SPAG16: variants seen among roughly 807,000 people sequenced by gnomAD.
The protein encoded by SPAG16 is sperm-associated antigen 16 protein.
In SPAG16, 86 loss-of-function variants were observed where a neutral mutation model predicts 80.4. The ratio of observed to expected loss-of-function variants is 1.07; its 90% confidence interval spans 0.90 to 1.28. The LOEUF (loss-of-function observed/expected upper bound fraction) is 1.28, where lower values mean the gene tolerates loss of function less well. Ranked by LOEUF, SPAG16 falls within the 50% of genes most tolerant of loss-of-function variation. SPAG16 has a pLI of 0.00. For missense variants in SPAG16, 870 were observed against 765.3 expected, an observed-to-expected ratio of 1.14 and a Z score of -1.61; for synonymous variants, 294 against 265.9, an observed-to-expected ratio of 1.11 and a Z score of -1.03.
intron 14 of SPAG16, among the ~76,000 whole-genome samples, chr2:214,123,071 C>T (rs546070151): frequency 1.5e-4 from 23 of 151,502 alleles, no homozygotes; most frequent in African/African-American, 3.4e-4. Flanking sequence ...AAAAGTGAAA[C>T]GCTTTAAAAA....
chr2:214,199,185 A>C (rs1328346203), intron 15 of SPAG16, among the ~76,000 whole-genome samples: 1 of 152,128 alleles, frequency 6.6e-6, no homozygotes, highest in African/African-American at 2.4e-5. Context: ...GCCTAAGCCA[A>C]TGTCTAGAAG....
intron 10 of SPAG16, among the ~76,000 whole-genome samples, chr2:213,644,350 G>A (rs930337082): frequency 6.6e-6 from 1 of 152,028 alleles, no homozygotes; most frequent in Non-Finnish European, 1.5e-5. Context: ...GGTTCCTGGT[G>A]ACTTATTTAG....
intron 15 of SPAG16, among the ~76,000 whole-genome samples, chr2:214,305,179 G>A (rs184149388): frequency 6.6e-6 from 1 of 152,138 alleles, no homozygotes; most frequent in African/African-American, 2.4e-5. Flanking sequence ...GTTTTCTTTT[G>A]AAAAGTGCCT....
chr2:213,820,916 C>T (rs1286340827), intron 10 of SPAG16, among the ~76,000 whole-genome samples: 1 of 151,928 alleles, frequency 6.6e-6, no homozygotes, highest in African/African-American at 2.4e-5. Flanking sequence ...ACTAAGTTTG[C>T]CCATTGGGCA....
In SPAG16 at chr2:213,884,225, TG is replaced by T. The variant is rs577175327; in HGVS notation, c.1214+21598del. Among the ~76,000 whole-genome samples, 425 of 152,310 alleles carry T rather than the reference TG, an allele frequency of 2.8e-3. 4 individuals carry two copies. Among genetic ancestry groups the T allele is most frequent in the Non-Finnish European group, 4.9e-3 (333 of 68,016 alleles). On this transcript the variant is annotated intron_variant, in intron 11 of 15. Transcript: ENST00000331683. ...TAGTTGAAATGAATCCCTCAGAGTT[TG>T]CTTGTCTGAGAAAGATTTTATTTCT...
chr2:214,046,140 G>T (rs185980906), intron 13 of SPAG16, among the ~76,000 whole-genome samples: 2 of 152,132 alleles, frequency 1.3e-5, no homozygotes, highest in Admixed American at 6.5e-5. Context: ...AACCTACCAA[G>T]ATTGAACCAT....
At chr2:214,007,626 C>T (rs761234050) in intron 12 of SPAG16, among the ~76,000 whole-genome samples, 1 of 152,096 alleles carries the variant, frequency 6.6e-6, no homozygotes, top group Non-Finnish European at 1.5e-5. Flanking sequence ...TGAAGGAATT[C>T]TGGGCTGAAT....
chr2:214,339,102 A>G (rs1471576798), intron 15 of SPAG16, among the ~76,000 whole-genome samples: 1 of 152,224 alleles, frequency 6.6e-6, no homozygotes, highest in Admixed American at 6.5e-5. Flanking sequence ...TGAAACTGAT[A>G]ATTGCTTATG....
Position 214,187,102 on chromosome 2 carries a change from A to G in SPAG16, c.1720+37836A>G, listed in dbSNP as rs1419377956. On this transcript the variant is annotated intron_variant, in intron 15 of 15. Coordinates refer to ENST00000331683, the MANE Select transcript of SPAG16 (RefSeq NM_024532.5). ...ACAGGAGGGATAAATAGAAGCTTTC[A>G]AAGTTTACACTTGAGGAACCACTAT... 2.0e-5 allele frequency among the ~76,000 whole-genome samples: 3 copies of G among 152,214 alleles called. No homozygotes were observed. In the East Asian group the frequency reaches 5.8e-4, roughly 29 times the overall value.
intron 15 of SPAG16, among the ~76,000 whole-genome samples, chr2:214,326,430 T>C (rs1696484358): frequency 6.6e-6 from 1 of 152,160 alleles, no homozygotes; most frequent in South Asian, 2.1e-4. Context: ...GCAATTTGTG[T>C]TGTTTTAAGC....
intron 14 of SPAG16, among the ~76,000 whole-genome samples, chr2:214,144,588 A>G (rs2055537676): frequency 6.6e-6 from 1 of 152,168 alleles, no homozygotes; most frequent in Non-Finnish European, 1.5e-5. Flanking sequence ...CAACATTCTC[A>G]TGTATACATA....
intron 12 of SPAG16, among the ~76,000 whole-genome samples, chr2:213,983,656 T>G (rs924173260): frequency 6.6e-6 from 1 of 152,018 alleles, no homozygotes; most frequent in Non-Finnish European, 1.5e-5. Flanking sequence ...GTATCAATAA[T>G]TTCACACTTT....
Position 213,771,382 on chromosome 2 carries a change from C to A in SPAG16, c.1071-91103C>A, listed in dbSNP as rs115458991. 5.0e-3 allele frequency among the ~76,000 whole-genome samples: 757 copies of A among 152,064 alleles called. 4 individuals carry two copies. Among genetic ancestry groups the A allele is most frequent in the African/African-American group, 0.017 (688 of 41,482 alleles). The stretch of plus-strand genomic sequence containing the variant: ...TTATCAAATGGTTAGATCACAAAAA[C>A]TTTCTCCTATTCTGTAGGTTGTCTG... On this transcript the variant is annotated intron_variant, in intron 10 of 15. Transcript: ENST00000331683.
At chr2:213,724,180 T>C (rs1559411468) in intron 10 of SPAG16, among the ~76,000 whole-genome samples, 1 of 152,094 alleles carries the variant, frequency 6.6e-6, no homozygotes, top group Non-Finnish European at 1.5e-5. Context: ...TTGGGAAAAA[T>C]AGCTCACTGG....
intron 10 of SPAG16, among the ~76,000 whole-genome samples, chr2:213,640,609 T>C (rs1350115513): frequency 6.6e-6 from 1 of 152,154 alleles, no homozygotes; most frequent in Non-Finnish European, 1.5e-5. Context: ...TGTCTTCAGA[T>C]CTCCCAGCTG....
At position 213,425,996 on chromosome 2, in the gene SPAG16, C is replaced by T. The variant is rs560397033; in HGVS notation, c.942+50877C>T. Among the ~76,000 whole-genome samples, 6 of 152,244 alleles carry T rather than the reference C, an allele frequency of 3.9e-5. No individual in the cohort carries two copies. In the East Asian group the frequency reaches 1.2e-3, roughly 29 times the overall value. On this transcript the variant is annotated intron_variant, in intron 9 of 15. Transcript: ENST00000331683. ...CCATATTCTTACCAATATGTGTTAT[C>T]ATATTTGCCAATAGGATAGGTGAAA... is the stretch of plus-strand genomic sequence containing the variant.
chr2:213,780,699 T>G (rs1464573376), intron 10 of SPAG16, among the ~76,000 whole-genome samples: 2 of 151,700 alleles, frequency 1.3e-5, no homozygotes, highest in African/African-American at 4.8e-5. Flanking sequence ...AGGAGAATAA[T>G]TTATGTACTA....
At chr2:213,505,514 T>C (rs189549521) in intron 10 of SPAG16, among the ~76,000 whole-genome samples, 3 of 152,254 alleles carry the variant, frequency 2.0e-5, no homozygotes, top group Admixed American at 2.0e-4. Context: ...TAAGTTAGTA[T>C]TTATTTGGTT....
chr2:213,863,707 C>G (rs551824077), intron 11 of SPAG16, among the ~76,000 whole-genome samples: 2 of 151,966 alleles, frequency 1.3e-5, no homozygotes, highest in African/African-American at 4.8e-5. Flanking sequence ...AATAGCCAAT[C>G]GCTTATGTAG....
Sources: allele counts gnomAD v4.1 joint callset (sites outside exome capture counted in the v4.1 genomes callset), GRCh38; gene constraint gnomAD v4.1.1; transcripts MANE v1.5; gene names NCBI Gene and HGNC (gene_info 2026-07-23, HGNC 2026-07-21).